KIF11: variants seen among roughly 807,000 people sequenced by gnomAD.
The protein encoded by KIF11 is kinesin family member 11.
In KIF11, 9 loss-of-function variants were observed where a neutral mutation model predicts 121.0. That is an observed-to-expected ratio of 0.07 (90% CI 0.04 to 0.13). KIF11 has a LOEUF of 0.13. Ranked by LOEUF, KIF11 falls within the 10% of genes least tolerant of loss-of-function variation. The pLI, the probability that KIF11 is intolerant of heterozygous loss-of-function variation, is 1.00. For synonymous variants in KIF11, 408 were observed against 421.0 expected, an observed-to-expected ratio of 0.97 and a Z score of 0.38; for missense variants, 846 against 1,217.5, an observed-to-expected ratio of 0.69 and a Z score of 4.54.
chr10:92,649,394 G>T (rs1158509427), intron 19 of KIF11, among the ~76,000 whole-genome samples: 2 of 152,026 alleles, frequency 1.3e-5, no homozygotes, highest in Non-Finnish European at 2.9e-5. Flanking sequence ...GAGCCCAGGG[G>T]TTCAAGACCA....
chr10:92,603,761 T>G (rs1323193440), intron 1 of KIF11, among the ~76,000 whole-genome samples: 14 of 152,216 alleles, frequency 9.2e-5, no homozygotes, highest in Admixed American at 9.2e-4. Flanking sequence ...GTGCTGAGAT[T>G]ACAGGCGTGA....
chr10:92,620,580 A>C (rs988844490), intron 9 of KIF11, among the ~76,000 whole-genome samples: 1 of 152,118 alleles, frequency 6.6e-6, no homozygotes, highest in Non-Finnish European at 1.5e-5. Context: ...GGGGTATGTT[A>C]GTCTGTTTTC....
At chr10:92,632,930 A>T (rs1273474527) in intron 13 of KIF11, among the ~76,000 whole-genome samples, 1 of 150,494 alleles carries the variant, frequency 6.6e-6, no homozygotes, top group African/African-American at 2.4e-5. Context: ...GTAACTAAGT[A>T]TATAAACGTT....
At chr10:92,596,043 C>T (rs1214465151) in intron 1 of KIF11, among the ~76,000 whole-genome samples, 2 of 152,082 alleles carry the variant, frequency 1.3e-5, no homozygotes, top group African/African-American at 2.4e-5. Context: ...GCTCTGTTGC[C>T]CAGGCTGGAG....
intron 17 of KIF11, among the ~76,000 whole-genome samples, chr10:92,644,478 C>T (rs1284990603): frequency 1.3e-5 from 2 of 152,060 alleles, no homozygotes; most frequent in African/African-American, 2.4e-5. Flanking sequence ...CCACCACGCC[C>T]GGCTAATTTA....
chr10:92,644,846 C>G (rs993718149), intron 17 of KIF11, among the ~76,000 whole-genome samples: 3 of 151,966 alleles, frequency 2.0e-5, no homozygotes, highest in Non-Finnish European at 4.4e-5. Flanking sequence ...AATATTATAT[C>G]AAGTTTATGT....
At chr10:92,641,257 AG>A (rs1208263258) in intron 17 of KIF11, among the ~76,000 whole-genome samples, 8 of 152,216 alleles carry the variant, frequency 5.3e-5, no homozygotes, top group Non-Finnish European at 8.8e-5. Context: ...TATACTCATG[AG>A]GAGAAAGATA....
chr10:92,602,825 C>CGTGTGTGTGT (rs3980475), intron 1 of KIF11, among the ~76,000 whole-genome samples: 1,273 of 122,418 alleles, frequency 0.01, 18 homozygotes, highest in African/African-American at 0.039. Flanking sequence ...CACACACACA[C>CGTGTGTGTGT]GTGTGTGTGT....
chr10:92,615,764 C>T (rs1220559673), intron 8 of KIF11, among the ~76,000 whole-genome samples: 1 of 151,630 alleles, frequency 6.6e-6, no homozygotes, highest in Non-Finnish European at 1.5e-5. Context: ...TTTCAAGGTT[C>T]ATCTGTGTTG....
rs557361372 is a variant in KIF11 at position 92,622,198 on chromosome 10, T to A, written c.1217+725T>A. Among the ~76,000 whole-genome samples the A allele has an allele frequency of 1.9e-4, 29 of 152,216 alleles. No individual in the cohort carries two copies. In the East Asian group the frequency reaches 5.6e-3, roughly 29 times the overall value. On this transcript the variant is annotated intron_variant, in intron 10 of 21. Coordinates refer to ENST00000260731, the MANE Select transcript of KIF11 (RefSeq NM_004523.4). ...CTGAGGCAGGAGAATTGCTTGAAGC[T>A]GGGAGGCGGAGGTTGTGGTGAGCCA...
rs1272244228 is a variant in KIF11 at position 92,655,346 on chromosome 10, T to TA, written c.*1553dup. On this transcript the variant is annotated 3_prime_UTR_variant, in exon 22 of 22. Transcript: ENST00000260731. ...AGCATAAGCGATGGATAATACCTAA[T>TA]AAACTGCCCTCAGTAAATCCATGGT... 6.6e-6 allele frequency: 1 copy of TA among 152,228 alleles called. No homozygotes were observed. The highest frequency in any genetic ancestry group is 2.4e-5 in the African/African-American group (1 of 41,466). The allele number at this position is 152,228 out of a possible 1,614,324, so 9.4% of individuals were successfully genotyped here. A position where few individuals can be genotyped will look rare whatever the true frequency, so the allele number is the denominator to read the frequency against.
chr10:92,650,086 C>T (rs1014359866), intron 20 of KIF11, 100 bp downstream of exon 20: 2 of 853,568 alleles, frequency 2.3e-6, no homozygotes, highest in Non-Finnish European at 3.6e-6. Flanking sequence ...CTCAATCTTA[C>T]CCCGCCTCTC....
At chr10:92,640,939 G>A (rs1033930556) in intron 17 of KIF11, among the ~76,000 whole-genome samples, 7 of 151,754 alleles carry the variant, frequency 4.6e-5, no homozygotes, top group African/African-American at 1.7e-4. Context: ...GTAGAGATGG[G>A]GTTTCGCCAC....
At position 92,593,186 on chromosome 10, in the gene KIF11, C is replaced by T. The variant is rs937464412; in HGVS notation, c.-190C>T. ...AGTGATTTGGCGGCTCCGACTGGCG[C>T]GGGACAAACGCCACGGCCAGAGTAC... On this transcript the variant is annotated 5_prime_UTR_variant, in exon 1 of 22. Coordinates refer to ENST00000260731, the MANE Select transcript of KIF11 (RefSeq NM_004523.4). 3.6e-6 allele frequency: 2 copies of T among 555,206 alleles called. No individual in the cohort carries two copies. Among genetic ancestry groups the T allele is most frequent in the Non-Finnish European group, 3.2e-6 (1 of 308,354 alleles). 34.4% of individuals were successfully genotyped at this position (555,206 alleles called of 1,614,324 possible).
At chr10:92,631,519 G>A (rs952399891) in intron 12 of KIF11, among the ~76,000 whole-genome samples, 8 of 147,494 alleles carry the variant, frequency 5.4e-5, no homozygotes, top group South Asian at 4.3e-4. Context: ...CCGCCACCGC[G>A]CCCGGCTAAT....
intron 13 of KIF11, 26 bp downstream of exon 13, chr10:92,632,719 TC>T (rs1708481048): frequency 1.4e-6 from 2 of 1,411,198 alleles, no homozygotes; most frequent in Non-Finnish European, 1.9e-6. Flanking sequence ...TCTGTTCTAG[TC>T]TTGATGTGTT....
intron 10 of KIF11, among the ~76,000 whole-genome samples, chr10:92,626,189 A>G (rs1844674669): frequency 6.6e-6 from 1 of 152,216 alleles, no homozygotes; most frequent in African/African-American, 2.4e-5. Context: ...GGGCTACAGT[A>G]ACCAAAACAT....
chr10:92,606,298 C>T lies in KIF11; in HGVS notation c.111C>T (p.Ala37=). The change falls in exon 2 of 22, where the codon GCC becomes GCT. Residue 37 remains alanine, a synonymous_variant. Coordinates refer to ENST00000260731, the MANE Select transcript of KIF11 (RefSeq NM_004523.4). ...PFNLAERKAS[A]HSIVECDPVR... ...ATTTGGCAGAGCGGAAAGCTAGCGC[C>T]CATTCAATAGTAGAATGTGATCCTG... The T allele has an allele frequency of 1.2e-6, 2 of 1,604,670 alleles. No individual in the cohort carries two copies. The highest frequency in any genetic ancestry group is 1.7e-4 in the Middle Eastern group (1 of 6,032).
intron 17 of KIF11, among the ~76,000 whole-genome samples, chr10:92,643,621 A>T (rs931697829): frequency 1.4e-5 from 2 of 147,360 alleles, no homozygotes. Flanking sequence ...CAGTGGTGCA[A>T]TCTTGGCTCA....
Sources: allele counts gnomAD v4.1 joint callset (sites outside exome capture counted in the v4.1 genomes callset), GRCh38; gene constraint gnomAD v4.1.1; transcripts MANE v1.5; gene names NCBI Gene and HGNC (gene_info 2026-07-23, HGNC 2026-07-21).